The following PHACTR4 variants were observed in gnomAD, a reference collection of about 807,000 sequenced individuals.
PHACTR4 encodes the protein phosphatase and actin regulator 4, also known as protein phosphatase 1, regulatory subunit 124.
A neutral mutation model predicts 72.7 loss-of-function variants in PHACTR4; 51 were observed. The ratio of observed to expected loss-of-function variants is 0.70; its 90% CI spans 0.56 to 0.89. The LOEUF (loss-of-function observed/expected upper bound fraction) is 0.89. Among genes scored for constraint, PHACTR4 ranks in the 40% least tolerant of loss-of-function variants. The pLI is 0.00. For synonymous variants in PHACTR4, 255 were observed against 302.5 expected (o/e 0.84, Z 1.63); for missense variants, 731 against 861.8 (o/e 0.85, Z 1.90).
chr1:28,379,815 T>C (rs1470703741), intron 1 of PHACTR4, among the ~76,000 whole-genome samples: 2 of 150,212 alleles, frequency 1.3e-5, no homozygotes, highest in East Asian at 2.0e-4. Flanking sequence ...GATCTCGATC[T>C]CCTGACCTCG....
chr1:28,418,084 A>G (rs563192138), intron 2 of PHACTR4, among the ~76,000 whole-genome samples: 1 of 152,220 alleles, frequency 6.6e-6, no homozygotes, highest in South Asian at 2.1e-4. Context: ...GCTGCAGTGA[A>G]ATGAGATTGT....
rs1445721720 is a variant in PHACTR4 at position 28,444,817 on chromosome 1, C to T, written c.17-14268C>T. 7.4e-5 allele frequency among the ~76,000 whole-genome samples: 10 copies of T among 134,748 alleles called. 1 individual carries two copies. The South Asian group carries it at 1.1e-3, about 15-fold the overall frequency. 88.4% of individuals were successfully genotyped at this position (134,748 alleles called of 152,430 possible). ...TTTTTTTTTGTATTTTTAGTAGAGA[C>T]GGGGTTTCACCGTGTTAGCCAGGAT... On this transcript the variant is annotated intron_variant, in intron 2 of 13. Coordinates refer to ENST00000373839, the MANE Select transcript of PHACTR4 (RefSeq NM_001048183.3).
chr1:28,440,394 CTTT>C (rs1223295576), intron 2 of PHACTR4, among the ~76,000 whole-genome samples: 13 of 83,268 alleles, frequency 1.6e-4, no homozygotes, highest in Admixed American at 1.3e-3. Context: ...TTCATCAATT[CTTT>C]TTTTTTTTTT....
intron 2 of PHACTR4, among the ~76,000 whole-genome samples, chr1:28,442,419 G>A (rs200185466): frequency 3.3e-5 from 5 of 151,148 alleles, no homozygotes; most frequent in South Asian, 2.1e-4. Flanking sequence ...AGCCGAGATC[G>A]TGCCACTGCA....
intron 1 of PHACTR4, among the ~76,000 whole-genome samples, chr1:28,373,912 T>C (rs1651446820): frequency 6.6e-6 from 1 of 152,186 alleles, no homozygotes; most frequent in Non-Finnish European, 1.5e-5. Context: ...ACTTCAAATC[T>C]AGTCCTCTTT....
intron 2 of PHACTR4, among the ~76,000 whole-genome samples, chr1:28,452,615 G>T (rs555151147): frequency 4.6e-5 from 7 of 151,756 alleles, no homozygotes; most frequent in Non-Finnish European, 1.0e-4. Flanking sequence ...GACCAGCCTG[G>T]CCAACATGTT....
intron 2 of PHACTR4, among the ~76,000 whole-genome samples, chr1:28,416,668 C>G (rs1655124750): frequency 6.6e-6 from 1 of 152,188 alleles, no homozygotes. Flanking sequence ...TGACTAAATG[C>G]ATGGACTGGT....
rs1025307287 is a variant in PHACTR4, at chr1:28,453,655, C to G, written c.17-5430C>G. 6 of 1,298,416 alleles carry G rather than the reference C, an allele frequency of 4.6e-6. No homozygotes were observed. The African/African-American group carries it at 7.3e-5, about 16-fold the overall frequency. 80.4% of individuals were successfully genotyped at this position (1,298,416 alleles called of 1,614,324 possible). A position where few individuals can be genotyped will look rare whatever the true frequency, so the allele number is the denominator to read the frequency against. Reference sequence around the variant, plus strand: ...AGAAGAGAGACTCGGTTCTAACATCCAAAAATCAGATTGAAAGATGGACCC... The same window carrying G: ...AGAAGAGAGACTCGGTTCTAACATCGAAAAATCAGATTGAAAGATGGACCC... On this transcript the variant is annotated intron_variant, in intron 2 of 13. Coordinates refer to ENST00000373839, the MANE Select transcript of PHACTR4 (RefSeq NM_001048183.3).
Position 28,493,100 on chromosome 1 carries a change from C to A in PHACTR4, c.2093+9C>A. The A allele has an allele frequency of 6.2e-7, 1 of 1,605,182 alleles. No homozygotes were observed. Among genetic ancestry groups the A allele is most frequent in the Non-Finnish European group, 8.5e-7 (1 of 1,172,038 alleles). ...AGCAAACATTTTACACGGTAAGACC[C>A]AAAAGACCCAATCATATATGTGCTA... On this transcript the variant is annotated intron_variant, in intron 13 of 13. Coordinates refer to ENST00000373839, the MANE Select transcript of PHACTR4 (RefSeq NM_001048183.3).
At chr1:28,444,152 T>C (rs928048935) in intron 2 of PHACTR4, among the ~76,000 whole-genome samples, 2 of 151,412 alleles carry the variant, frequency 1.3e-5, no homozygotes, top group African/African-American at 4.8e-5. Context: ...TACCTCATTG[T>C]GGTTTTGATT....
intron 9 of PHACTR4, among the ~76,000 whole-genome samples, chr1:28,485,082 A>T (rs1406876017): frequency 1.3e-5 from 2 of 152,214 alleles, no homozygotes; most frequent in South Asian, 4.1e-4. Context: ...TAATATGAGT[A>T]AGCCAGTCAC....
intron 13 of PHACTR4, among the ~76,000 whole-genome samples, chr1:28,495,605 A>T (rs958440285): frequency 9.0e-5 from 13 of 144,014 alleles, no homozygotes; most frequent in African/African-American, 2.6e-4. Context: ...TTTTATTTTT[A>T]TTTATTTATT....
At chr1:28,379,744 C>T (rs1319694307) in intron 1 of PHACTR4, among the ~76,000 whole-genome samples, 1 of 151,764 alleles carries the variant, frequency 6.6e-6, no homozygotes, top group African/African-American at 2.4e-5. Context: ...CGCCCGCCAC[C>T]ACACCCGACT....
chr1:28,404,573 G>A (rs569768901), intron 1 of PHACTR4, among the ~76,000 whole-genome samples: 22 of 152,200 alleles, frequency 1.4e-4, no homozygotes, highest in East Asian at 1.2e-3. Context: ...GTGAGCCACC[G>A]CACCTGGCCT....
intron 1 of PHACTR4, among the ~76,000 whole-genome samples, chr1:28,378,031 A>G (rs1479491429): frequency 1.3e-5 from 2 of 148,726 alleles, no homozygotes; most frequent in African/African-American, 2.5e-5. Flanking sequence ...CCCCGTCTCT[A>G]CTAAAAGTAC....
At chr1:28,472,400 A>C (rs1017357539) in intron 6 of PHACTR4, among the ~76,000 whole-genome samples, 5 of 152,138 alleles carry the variant, frequency 3.3e-5, no homozygotes, top group African/African-American at 9.7e-5. Context: ...TATAAGGAGA[A>C]TATGACTTCA....
rs1245641567 is a variant in PHACTR4 at position 28,491,032 on chromosome 1, C to T, written c.1878+20C>T. 1 of 1,604,012 alleles carries T rather than the reference C, an allele frequency of 6.2e-7. No individual in the cohort carries two copies. Among genetic ancestry groups the T allele is most frequent in the Non-Finnish European group, 8.5e-7 (1 of 1,171,424 alleles). ...AGAAAGGTACTACTGCCTGTGTGTT[C>T]AGTTAACTATATGTGTTATATTTGG... is the stretch of plus-strand genomic sequence containing the variant. On this transcript the variant is annotated intron_variant, in intron 11 of 13. Transcript: ENST00000373839.
In PHACTR4 at chr1:28,465,683, AGGT is replaced by A; in HGVS notation, c.275_277del (p.Gly92del). On this transcript the variant is annotated splice_acceptor_variant and coding_sequence_variant, in exon 5 of 14. Transcript: ENST00000373839. LOFTEE classifies it high-confidence loss of function. Reference sequence around the variant, plus strand: ...ACTTTGTACTCTTCTTTCACCTTGCAGGTGGTGAGGATCCAGGAAAGCCAAGCG... The same window carrying A: ...ACTTTGTACTCTTCTTTCACCTTGCAGGTGAGGATCCAGGAAAGCCAAGCG... The A allele has an allele frequency of 6.2e-7, 1 of 1,611,418 alleles. No individual in the cohort carries two copies. The highest frequency in any genetic ancestry group is 8.5e-7 in the Non-Finnish European group (1 of 1,179,198).
chr1:28,496,815 G>A lies in PHACTR4; in HGVS notation c.*266G>A, dbSNP rs1661389458. The A allele has an allele frequency of 1.8e-6, 1 of 543,246 alleles. No homozygotes were observed. 33.7% of individuals were successfully genotyped at this position (543,246 alleles called of 1,614,324 possible). On this transcript the variant is annotated 3_prime_UTR_variant, in exon 14 of 14. Transcript: ENST00000373839. ...AGTTTTTCCCTTACTGGCCACCAAA[G>A]TTCTGAACCACTTGCAGGTTCCAGG...
Sources: gnomAD v4.1 joint callset for allele counts (sites outside exome capture counted in the v4.1 genomes callset) on GRCh38, gnomAD v4.1.1 for gene constraint, MANE v1.5 for transcripts, NCBI Gene and HGNC (gene_info 2026-07-23, HGNC 2026-07-21) for gene names.